PPL: variants seen among roughly 807,000 people sequenced by gnomAD.
PPL encodes 190 kDa paraneoplastic pemphigus antigen.
A neutral mutation model predicts 194.4 loss-of-function variants in PPL; 198 were observed. That is an observed-to-expected ratio of 1.02 (90% confidence interval 0.91 to 1.15). PPL has a LOEUF of 1.15. PPL is among the 50% of genes most tolerant of loss of function. The pLI is 0.00. For missense variants in PPL, 2,885 were observed against 2,294.8 expected, an observed-to-expected ratio of 1.26 and a Z score of -5.25; for synonymous variants, 1,220 against 972.4, an observed-to-expected ratio of 1.25 and a Z score of -4.74.
chr16:4,893,182 G>A (rs765105343), intron 14 of PPL, 31 bp downstream of exon 14: 11 of 1,507,122 alleles, frequency 7.3e-6, no homozygotes, highest in South Asian at 6.1e-5. Context: ...GGGCTCCCCC[G>A]GCCCCACCTG....
rs368216963 is a variant in PPL at position 4,905,484 on chromosome 16, G to A, written c.163-1444C>T. Among the ~76,000 whole-genome samples the A allele has an allele frequency of 9.9e-5, 15 of 152,264 alleles. No individual in the cohort carries two copies. In the East Asian group the frequency reaches 1.5e-3, roughly 16 times the overall value. On this transcript the variant is annotated intron_variant, in intron 2 of 21. Coordinates refer to ENST00000345988, the MANE Select transcript of PPL (RefSeq NM_002705.5). ...TAAATAGGCACAAGAGATCTTGCAC[G>A]GGATGAAAATATTCTGAAACTGATT...
At chr16:4,931,479 C>T (rs549577422) in intron 1 of PPL, among the ~76,000 whole-genome samples, 7 of 152,280 alleles carry the variant, frequency 4.6e-5, no homozygotes, top group African/African-American at 1.7e-4. Context: ...AGGTGGCCTC[C>T]CGGGCTCCAG....
At chr16:4,888,038 C>T (rs1330882259) in intron 20 of PPL, 64 bp downstream of exon 20, 39 of 1,207,024 alleles carry the variant, frequency 3.2e-5, no homozygotes, top group Non-Finnish European at 4.8e-5. Flanking sequence ...CACCATGCTC[C>T]CTGGGGAGCA....
chr16:4,904,612 G>A (rs1237889316), intron 2 of PPL, among the ~76,000 whole-genome samples: 1 of 152,232 alleles, frequency 6.6e-6, no homozygotes. Flanking sequence ...AAGGTCCTGA[G>A]GCAGGAGAGA....
chr16:4,908,110 C>T (rs945535273), intron 2 of PPL, among the ~76,000 whole-genome samples: 10 of 148,938 alleles, frequency 6.7e-5, no homozygotes, highest in African/African-American at 2.5e-4. Context: ...TGCAGTGAGC[C>T]GAGATAGCAC....
chr16:4,928,385 C>T (rs1291203511), intron 1 of PPL, among the ~76,000 whole-genome samples: 1 of 152,226 alleles, frequency 6.6e-6, no homozygotes, highest in East Asian at 1.9e-4. Context: ...GCAGTTCTTA[C>T]CCAGACACTT....
rs1262028847 is a variant in PPL, at chr16:4,910,927, C to G, written c.85G>C (p.Glu29Gln). The change falls in exon 2 of 22, where the codon GAG (glutamate) becomes CAG (glutamine). Residue 29 changes from glutamate to glutamine, a missense_variant. By Grantham distance (29) the Glu-to-Gln change is conservative. Coordinates refer to ENST00000345988, the MANE Select transcript of PPL (RefSeq NM_002705.5). ...TRSISNKELS[E>Q]LIEQLQKNAD... is the part of the protein sequence containing the mutation. ...TTCTTCTGCAGCTGCTCGATCAGCT[C>G]CGAGAGCTCCTTGTTAGAGATGCTG... 1.2e-6 allele frequency: 2 copies of G among 1,613,060 alleles called. No homozygotes were observed. Among genetic ancestry groups the G allele is most frequent in the African/African-American group, 2.7e-5 (2 of 74,928 alleles).
intron 6 of PPL, 37 bp from the exon 7 acceptor site, chr16:4,899,421 A>G (rs762541811): frequency 6.3e-6 from 9 of 1,438,046 alleles, no homozygotes; most frequent in African/African-American, 1.6e-5. Context: ...CTGCGTCCTC[A>G]GCCCGCTGCC....
At chr16:4,895,186 C>T (rs959646238) in intron 11 of PPL, 75 bp downstream of exon 11, 1 of 1,485,048 alleles carries the variant, frequency 6.7e-7, no homozygotes, top group Non-Finnish European at 9.0e-7. Flanking sequence ...GAGAACGGCG[C>T]CTGAGGCCCG....
At chr16:4,916,182 A>C (rs1462157159) in intron 1 of PPL, among the ~76,000 whole-genome samples, 1 of 152,206 alleles carries the variant, frequency 6.6e-6, no homozygotes, top group African/African-American at 2.4e-5. Context: ...AGACCCAGCA[A>C]GTCCACCCCT....
chr16:4,911,000 CTATGT>C, intron 1 of PPL, 51 bp from the exon 2 acceptor site: 8 of 1,485,856 alleles, frequency 5.4e-6, no homozygotes, highest in African/African-American at 1.4e-5. Flanking sequence ...TGGGTGGGGG[CTATGT>C]CCCCACCAGC....
In PPL at chr16:4,895,267, C is replaced by T; in HGVS notation, c.1236G>A (p.Gly412=). 6.2e-7 allele frequency: 1 copy of T among 1,602,582 alleles called. No homozygotes were observed. Among genetic ancestry groups the T allele is most frequent in the Non-Finnish European group, 8.5e-7 (1 of 1,173,738 alleles). Reference sequence around the variant, plus strand: ...AGGAGCTGGCCCCACGCACCTGCTCCCCCTCAAAGTCACAGAGTGCCTCCA... The same window carrying T: ...AGGAGCTGGCCCCACGCACCTGCTCTCCCTCAAAGTCACAGAGTGCCTCCA... ...IPVEALCDFE[G]EQGLISRGYS... is the part of the protein sequence containing the mutation. Residue 412 remains glycine, a synonymous_variant, in exon 11 of 22, where the codon GGG becomes GGA. Transcript: ENST00000345988.
intron 1 of PPL, among the ~76,000 whole-genome samples, chr16:4,934,132 C>T (rs1016151953): frequency 2.0e-5 from 3 of 152,178 alleles, no homozygotes; most frequent in Admixed American, 1.3e-4. Flanking sequence ...AGGCTGTCCT[C>T]GGTCACCTGC....
Position 4,906,221 on chromosome 16 carries a change from TTTTTTTTG to T in PPL, c.163-2189_163-2182del, listed in dbSNP as rs1266829661. 2.3e-4 allele frequency among the ~76,000 whole-genome samples: 35 copies of T among 152,084 alleles called. 1 individual carries two copies. The highest frequency in any genetic ancestry group is 3.4e-3 in the Middle Eastern group (1 of 294). On this transcript the variant is annotated intron_variant, in intron 2 of 21. Transcript: ENST00000345988. ...CTTGACTTGGAGTGGAATTTTTAAA[TTTTTTTTG>T]TTTTTTTATTTTTGAGATGGAGTCT...
At chr16:4,904,606 T>C (rs2088645009) in intron 2 of PPL, among the ~76,000 whole-genome samples, 1 of 151,838 alleles carries the variant, frequency 6.6e-6, no homozygotes, top group African/African-American at 2.4e-5. Flanking sequence ...TGTGCAAAGG[T>C]CCTGAGGCAG....
In PPL at chr16:4,910,919, G is replaced by A. The variant is rs746500828; in HGVS notation, c.93C>T (p.Ile31=). 6.2e-6 allele frequency: 10 copies of A among 1,613,216 alleles called. No homozygotes were observed. The highest frequency in any genetic ancestry group is 3.3e-5 in the Admixed American group (2 of 59,996). ...GGTCGGCATTCTTCTGCAGCTGCTC[G>A]ATCAGCTCCGAGAGCTCCTTGTTAG... The part of the protein sequence containing the change: ...SISNKELSEL[I]EQLQKNADQV... The change falls in exon 2 of 22, where the codon ATC becomes ATT. Residue 31 remains isoleucine, a synonymous_variant. Transcript: ENST00000345988.
chr16:4,890,073 G>A (rs972863775), intron 18 of PPL, 111 bp downstream of exon 18: 2 of 1,492,138 alleles, frequency 1.3e-6, no homozygotes, highest in East Asian at 4.5e-5. Flanking sequence ...GCTGTGGCAG[G>A]CCTCTGCCCT....
rs564364496 is a variant in PPL at position 4,885,862 on chromosome 16, C to T, written c.2793G>A (p.Ser931=). 31 of 1,608,276 alleles carry T rather than the reference C, an allele frequency of 1.9e-5. No individual in the cohort carries two copies. Among genetic ancestry groups the T allele is most frequent in the Middle Eastern group, 1.6e-4 (1 of 6,082 alleles). ...WTLRNQGPQE[S]VVRKEVLKKV... ...TCTTGAGCACCTCCTTCCTCACCAC[C>T]GATTCCTGAGGCCCCTGATTCCTCA... The change falls in exon 22 of 22, where the codon TCG becomes TCA. Residue 931 remains serine (S), a synonymous_variant. Coordinates refer to ENST00000345988, the MANE Select transcript of PPL (RefSeq NM_002705.5). The surrounding 1 kb of genome is among the most constrained non-coding windows in gnomAD (Gnocchi z 6.3).
At position 4,893,692 on chromosome 16, in the gene PPL, C is replaced by T. The variant is rs770740817; in HGVS notation, c.1395-54G>A. ...TGGGCAGCCCACCACCCCCTGCACCCACAGAGGCGGGACTGCGGACTCTGG... is the reference window on the plus strand; with the variant it reads ...TGGGCAGCCCACCACCCCCTGCACCTACAGAGGCGGGACTGCGGACTCTGG... On this transcript the variant is annotated intron_variant, in intron 12 of 21. Transcript: ENST00000345988. 1.7e-4 allele frequency: 246 copies of T among 1,465,646 alleles called. No homozygotes were observed. Among genetic ancestry groups the T allele is most frequent in the Non-Finnish European group, 2.1e-4 (224 of 1,083,704 alleles). 90.8% of individuals were successfully genotyped at this position (1,465,646 alleles called of 1,614,324 possible).
Sources: gnomAD v4.1 joint callset for allele counts (sites outside exome capture counted in the v4.1 genomes callset) on GRCh38, gnomAD v4.1.1 for gene constraint, Gnocchi (gnomAD v3.1) non-coding constraint, MANE v1.5 for transcripts, NCBI Gene and HGNC (gene_info 2026-07-23, HGNC 2026-07-21) for gene names.